ENTPD1: variants seen among roughly 807,000 people sequenced by gnomAD.
The protein encoded by ENTPD1 is ectonucleoside triphosphate diphosphohydrolase 1.
In ENTPD1, 33 loss-of-function variants were observed where a neutral mutation model predicts 57.0. That is an observed-to-expected ratio of 0.58 (90% CI 0.44 to 0.77). ENTPD1 has a LOEUF of 0.77. ENTPD1 is among the 30% of genes least tolerant of loss of function. The pLI, the probability that ENTPD1 is intolerant of heterozygous loss-of-function variation, is 0.00. For synonymous variants in ENTPD1, 202 were observed against 218.8 expected (o/e 0.92, Z 0.68); for missense variants, 501 against 603.4 (o/e 0.83, Z 1.78).
At chr10:95,836,980 T>C (rs1254408744) in intron 2 of ENTPD1, among the ~76,000 whole-genome samples, 2 of 152,230 alleles carry the variant, frequency 1.3e-5, no homozygotes, top group African/African-American at 4.8e-5. Context: ...TTGGCACAGT[T>C]GCACAGGTTA....
chr10:95,862,693 C>T (rs1474244779), intron 8 of ENTPD1, among the ~76,000 whole-genome samples: 2 of 152,174 alleles, frequency 1.3e-5, no homozygotes, highest in African/African-American at 4.8e-5. Flanking sequence ...TAGAATCTTT[C>T]AGCAGCCAGA....
At chr10:95,794,458 C>T (rs2098218267) in intron 1 of ENTPD1, among the ~76,000 whole-genome samples, 1 of 152,164 alleles carries the variant, frequency 6.6e-6, no homozygotes, top group Non-Finnish European at 1.5e-5. Flanking sequence ...CCTGGCTGCA[C>T]TTGGCACCAG....
chr10:95,808,051 G>T (rs1348282322), intron 1 of ENTPD1, among the ~76,000 whole-genome samples: 1 of 152,128 alleles, frequency 6.6e-6, no homozygotes, highest in Non-Finnish European at 1.5e-5. Flanking sequence ...GTTGGCTGTG[G>T]GTTTGTCATA....
At chr10:95,754,595 T>C (rs543170502), upstream of ENTPD1, 4 of 152,338 alleles carry the variant, frequency 2.6e-5, no homozygotes, top group South Asian at 8.3e-4. Context: ...AAACCAATTG[T>C]TGGTTTTTAC....
At chr10:95,859,102 A>G (rs981988684) in intron 7 of ENTPD1, among the ~76,000 whole-genome samples, 2 of 152,218 alleles carry the variant, frequency 1.3e-5, no homozygotes, top group African/African-American at 4.8e-5. Flanking sequence ...AAAATTTATT[A>G]AAAAGGACTA....
Position 95,864,966 on chromosome 10 carries a change from G to A in ENTPD1, c.1326+105G>A, listed in dbSNP as rs1348112314. The A allele has an allele frequency of 9.7e-6, 13 of 1,344,168 alleles. No homozygotes were observed. The Admixed American group carries it at 2.3e-4, about 24-fold the overall frequency. 83.3% of individuals were successfully genotyped at this position (1,344,168 alleles called of 1,614,324 possible). ...GGGGAGTCAGCATGGTGTAGCTTTG[G>A]CTTGATGTCCTGTTCTGCCATTCTG... is the stretch of plus-strand genomic sequence containing the variant. On this transcript the variant is annotated intron_variant, in intron 9 of 9. Coordinates refer to ENST00000371205, the MANE Select transcript of ENTPD1 (RefSeq NM_001776.6).
At chr10:95,851,736 A>G (rs557118324) in intron 7 of ENTPD1, among the ~76,000 whole-genome samples, 7 of 152,152 alleles carry the variant, frequency 4.6e-5, no homozygotes, top group Non-Finnish European at 7.4e-5. Context: ...AGCTCCATCC[A>G]TGTCCCTGCA....
chr10:95,735,678 C>T (rs2097993927), intron 1 of ENTPD1, among the ~76,000 whole-genome samples: 1 of 152,016 alleles, frequency 6.6e-6, no homozygotes, highest in South Asian at 2.1e-4. Flanking sequence ...TCACTGCAAC[C>T]TCCACCTCCC....
chr10:95,870,172 GT>G lies in ENTPD1; in HGVS notation c.*3791del. 1 of 985,434 alleles carries G rather than the reference GT, an allele frequency of 1.0e-6. No homozygotes were observed. Among genetic ancestry groups the G allele is most frequent in the South Asian group, 4.7e-5 (1 of 21,292 alleles). 61.0% of individuals were successfully genotyped at this position (985,434 alleles called of 1,614,324 possible). Reference sequence around the variant, plus strand: ...TGAAGATGTGAAGGCAGGGATGCCTGTTATTCAGTCCAAGATGCATGACAAG... The same window carrying G: ...TGAAGATGTGAAGGCAGGGATGCCTGTATTCAGTCCAAGATGCATGACAAG... On this transcript the variant is annotated 3_prime_UTR_variant, in exon 10 of 10. Transcript: ENST00000371205.
At chr10:95,809,036 G>A (rs1433653830) in intron 1 of ENTPD1, among the ~76,000 whole-genome samples, 1 of 152,072 alleles carries the variant, frequency 6.6e-6, no homozygotes, top group Non-Finnish European at 1.5e-5. Flanking sequence ...GCACGGGGTT[G>A]GGGGTAAGGT....
At chr10:95,802,611 C>A (rs948446206) in intron 1 of ENTPD1, among the ~76,000 whole-genome samples, 20 of 152,238 alleles carry the variant, frequency 1.3e-4, no homozygotes, top group African/African-American at 4.3e-4. Context: ...TCTCCAAACC[C>A]CCCACACCAT....
chr10:95,820,664 C>A (rs566783948), intron 1 of ENTPD1, among the ~76,000 whole-genome samples: 23 of 152,342 alleles, frequency 1.5e-4, no homozygotes, highest in African/African-American at 5.5e-4. Flanking sequence ...CTGAGAGAGG[C>A]TTTCTTGACC....
intron 1 of ENTPD1, among the ~76,000 whole-genome samples, chr10:95,818,599 G>A (rs1311549577): frequency 2.0e-5 from 3 of 152,206 alleles, no homozygotes; most frequent in Non-Finnish European, 4.4e-5. Context: ...ATCAGGGGAT[G>A]TGGATATCAC....
upstream of ENTPD1, among the ~76,000 whole-genome samples, chr10:95,710,169 C>T (rs1306193461): frequency 3.3e-5 from 5 of 151,956 alleles, no homozygotes; most frequent in Non-Finnish European, 7.4e-5. Context: ...CTTTGGGAGA[C>T]GGAGGCGGAC....
upstream of ENTPD1, among the ~76,000 whole-genome samples, chr10:95,708,545 A>G (rs980888281): frequency 6.6e-6 from 1 of 152,226 alleles, no homozygotes; most frequent in African/African-American, 2.4e-5. Context: ...TATTCCGGAG[A>G]AATCCACACA....
At chr10:95,720,373 A>G (rs1288552309) in intron 1 of ENTPD1, among the ~76,000 whole-genome samples, 1 of 152,116 alleles carries the variant, frequency 6.6e-6, no homozygotes. Flanking sequence ...TCTCTCCCTA[A>G]CAGGGGAGTG....
intron 1 of ENTPD1, among the ~76,000 whole-genome samples, chr10:95,797,933 T>C (rs1328004506): frequency 1.3e-5 from 2 of 152,104 alleles, no homozygotes; most frequent in Admixed American, 6.6e-5. Flanking sequence ...TCATAGAGAT[T>C]AAGGACTTGC....
At chr10:95,859,676 T>C (rs1401339312) in intron 7 of ENTPD1, among the ~76,000 whole-genome samples, 1 of 152,162 alleles carries the variant, frequency 6.6e-6, no homozygotes, top group Non-Finnish European at 1.5e-5. Context: ...AATTATTTTT[T>C]CCCCTTTAAA....
upstream of ENTPD1, among the ~76,000 whole-genome samples, chr10:95,751,170 AT>A (rs1398140301): frequency 1.3e-5 from 2 of 152,190 alleles, no homozygotes; most frequent in Non-Finnish European, 2.9e-5. Context: ...AGGAATTTAA[AT>A]TTTATTTTAT....
Sources: allele counts gnomAD v4.1 joint callset (sites outside exome capture counted in the v4.1 genomes callset), GRCh38; gene constraint gnomAD v4.1.1; transcripts MANE v1.5; gene names NCBI Gene and HGNC (gene_info 2026-07-23, HGNC 2026-07-21).